LUZP2: variants seen among roughly 807,000 people sequenced by gnomAD.
LUZP2 encodes the protein leucine zipper protein 2.
A neutral mutation model predicts 51.6 loss-of-function variants in LUZP2; 52 were observed. That is an observed-to-expected ratio of 1.01 (90% confidence interval 0.81 to 1.27). LUZP2 has a LOEUF of 1.27. Ranked by LOEUF, LUZP2 falls within the 50% of genes most tolerant of loss-of-function variation. The pLI is 0.00. For missense variants in LUZP2, 436 were observed against 395.4 expected (o/e 1.10, Z -0.87); for synonymous variants, 154 against 137.3 (o/e 1.12, Z -0.85).
intron 1 of LUZP2, among the ~76,000 whole-genome samples, chr11:24,528,037 A>G (rs775763684): frequency 4.0e-4 from 61 of 151,256 alleles, no homozygotes; most frequent in African/African-American, 1.4e-3. Context: ...CTAAGTGACT[A>G]TTATTGAGAA....
intron 1 of LUZP2, among the ~76,000 whole-genome samples, chr11:24,695,095 A>G (rs1057313278): frequency 1.3e-5 from 2 of 152,076 alleles, no homozygotes; most frequent in East Asian, 1.9e-4. Flanking sequence ...AAAAAGAAGT[A>G]CTATGTCCAA....
chr11:24,748,984 C>T (rs1358332487), intron 4 of LUZP2, among the ~76,000 whole-genome samples: 1 of 152,098 alleles, frequency 6.6e-6, no homozygotes, highest in Non-Finnish European at 1.5e-5. Context: ...ATTTGTAACC[C>T]TTCAATTAGA....
At chr11:24,768,561 G>A (rs1590484457) in intron 5 of LUZP2, among the ~76,000 whole-genome samples, 3 of 152,138 alleles carry the variant, frequency 2.0e-5, no homozygotes, top group Admixed American at 6.5e-5. Context: ...CAATTAAGTA[G>A]CAAATAAATA....
intron 9 of LUZP2, among the ~76,000 whole-genome samples, chr11:24,989,501 A>G (rs1298151636): frequency 6.6e-6 from 1 of 152,090 alleles, no homozygotes; most frequent in Admixed American, 6.6e-5. Context: ...ACAGAATAGC[A>G]AAACTCTGAC....
intron 1 of LUZP2, among the ~76,000 whole-genome samples, chr11:24,722,167 A>T (rs1252745871): frequency 6.6e-6 from 1 of 152,228 alleles, no homozygotes; most frequent in Non-Finnish European, 1.5e-5. Flanking sequence ...ATAGTAAGCC[A>T]GCTTACATTT....
chr11:24,607,832 T>TTA (rs35114894), intron 1 of LUZP2, among the ~76,000 whole-genome samples: 3,903 of 151,794 alleles, frequency 0.026, 71 homozygotes, highest in African/African-American at 0.046. Context: ...CTATTTTATT[T>TTA]TTTTTTTTCA....
intron 9 of LUZP2, among the ~76,000 whole-genome samples, chr11:25,018,037 G>GTTTTTTTTTTTT (rs1410360304): frequency 2.2e-4 from 29 of 131,070 alleles, no homozygotes; most frequent in Middle Eastern, 3.9e-3. Context: ...TTTTGTTTCT[G>GTTTTTTTTTTTT]TTTTTTTTTT....
At chr11:24,834,394 C>A (rs961238203) in intron 5 of LUZP2, among the ~76,000 whole-genome samples, 2 of 152,200 alleles carry the variant, frequency 1.3e-5, no homozygotes, top group Non-Finnish European at 2.9e-5. Flanking sequence ...TGGCTTCCAG[C>A]TCCATCCATG....
intron 1 of LUZP2, among the ~76,000 whole-genome samples, chr11:24,676,222 A>G (rs1324601019): frequency 6.6e-6 from 1 of 152,214 alleles, no homozygotes; most frequent in East Asian, 1.9e-4. Flanking sequence ...GAAATCCATG[A>G]AATAATATTA....
intron 1 of LUZP2, among the ~76,000 whole-genome samples, chr11:24,601,895 T>TAG (rs397940036): frequency 1.7e-5 from 1 of 59,430 alleles, no homozygotes; most frequent in Admixed American, 1.8e-4. Flanking sequence ...TATGTATATA[T>TAG]GTATATATGT....
intron 1 of LUZP2, among the ~76,000 whole-genome samples, chr11:24,573,446 T>G (rs112653282): frequency 6.6e-6 from 1 of 151,752 alleles, no homozygotes; most frequent in Admixed American, 6.6e-5. Context: ...TCATGAGGAT[T>G]ACCTTTTAAA....
intron 1 of LUZP2, among the ~76,000 whole-genome samples, chr11:24,636,014 C>T (rs1025987394): frequency 6.6e-6 from 1 of 152,132 alleles, no homozygotes; most frequent in Non-Finnish European, 1.5e-5. Context: ...TGGCAATCTA[C>T]TCTGGAACTT....
At chr11:24,640,438 G>A (rs981365607) in intron 1 of LUZP2, among the ~76,000 whole-genome samples, 7 of 151,882 alleles carry the variant, frequency 4.6e-5, no homozygotes, top group African/African-American at 1.2e-4. Context: ...AAATAGATGC[G>A]GTTGTGCATC....
At chr11:25,049,941 CAT>C (rs1858439088) in intron 9 of LUZP2, 95 bp from the exon 10 acceptor site, 1 of 538,230 alleles carries the variant, frequency 1.9e-6, no homozygotes, top group Admixed American at 3.6e-5. Flanking sequence ...AATATTATAT[CAT>C]GTGTTACAAT....
chr11:24,643,943 C>T (rs774874035), intron 1 of LUZP2, among the ~76,000 whole-genome samples: 3 of 152,142 alleles, frequency 2.0e-5, no homozygotes, highest in Non-Finnish European at 4.4e-5. Flanking sequence ...GTTGATACAA[C>T]TGATGCCAGG....
At chr11:25,051,201 C>T (rs1444369863) in intron 10 of LUZP2, among the ~76,000 whole-genome samples, 2 of 152,012 alleles carry the variant, frequency 1.3e-5, no homozygotes, top group Non-Finnish European at 2.9e-5. Context: ...ATTACTCTCC[C>T]AACTACTCGG....
At chr11:24,834,500 C>T (rs1463508260) in intron 5 of LUZP2, among the ~76,000 whole-genome samples, 1 of 152,114 alleles carries the variant, frequency 6.6e-6, no homozygotes, top group Admixed American at 6.5e-5. Flanking sequence ...ATCACTGATA[C>T]ACATTTGGGT....
intron 10 of LUZP2, among the ~76,000 whole-genome samples, 198 bp downstream of exon 10, chr11:25,050,328 G>A (rs1171756728): frequency 1.7e-5 from 2 of 120,152 alleles, no homozygotes; most frequent in Non-Finnish European, 3.2e-5. Context: ...TTGAGACGGA[G>A]TCTTGGTCTG....
At chr11:24,906,203 T>C in intron 6 of LUZP2, 150 bp downstream of exon 6, 1 of 443,650 alleles carries the variant, frequency 2.3e-6, no homozygotes, top group Non-Finnish European at 3.9e-6. Flanking sequence ...TTTAAACCTT[T>C]TGGTATCTTT....
Sources: gnomAD v4.1 joint callset for allele counts (sites outside exome capture counted in the v4.1 genomes callset) on GRCh38, gnomAD v4.1.1 for gene constraint, MANE v1.5 for transcripts, NCBI Gene and HGNC (gene_info 2026-07-23, HGNC 2026-07-21) for gene names.